RFTN2: variants seen among roughly 807,000 people sequenced by gnomAD.
RFTN2 encodes raftlin family member 2.
Under a neutral mutation model 52.7 loss-of-function variants are expected in RFTN2, and 34 were observed. The observed-to-expected ratio is 0.64, with a 90% CI of 0.49 to 0.86. The LOEUF (loss-of-function observed/expected upper bound fraction) is 0.86, where lower values mean the gene tolerates loss of function less well. Among genes scored for constraint, RFTN2 ranks in the 40% least tolerant of loss-of-function variants. RFTN2 has a pLI of 0.00. For missense variants in RFTN2, 536 were observed against 600.1 expected (o/e 0.89, Z 1.12); for synonymous variants, 203 against 217.7 (o/e 0.93, Z 0.59).
At chr2:197,597,596 C>T (rs894735585) in intron 7 of RFTN2, among the ~76,000 whole-genome samples, 11 of 151,874 alleles carry the variant, frequency 7.2e-5, no homozygotes, top group African/African-American at 9.7e-5. Flanking sequence ...CTCGGCTCAC[C>T]GCAACGTCAC....
At position 197,572,262 on chromosome 2, in the gene RFTN2, T is replaced by A; in HGVS notation, c.1252A>T (p.Ile418Leu). ...GCTTTATTCTTGTCTTCACCTTTTA[T>A]GTGGCGGCTGGCTTTCTTCTGAAAC... ...QTPDKKASRH[I>L]KGEDKNKATS... Residue 418 changes from isoleucine (I) to leucine (L), a missense_variant, in exon 9 of 9, where the codon ATA becomes TTA. Ile to Leu is a conservative substitution (Grantham distance 5, BLOSUM62 2). Coordinates refer to ENST00000295049, the MANE Select transcript of RFTN2 (RefSeq NM_144629.3). 3 of 1,613,846 alleles carry A rather than the reference T, an allele frequency of 1.9e-6. No individual in the cohort carries two copies. The highest frequency in any genetic ancestry group is 2.5e-6 in the Non-Finnish European group (3 of 1,179,656).
intron 3 of RFTN2, among the ~76,000 whole-genome samples, chr2:197,638,984 C>T (rs1192955029): frequency 6.8e-6 from 1 of 148,118 alleles, no homozygotes; most frequent in South Asian, 2.2e-4. Context: ...TATTTTATTT[C>T]TCCTTCACTT....
chr2:197,646,415 A>AT (rs995736590), intron 2 of RFTN2, 68 bp downstream of exon 2: 1,193 of 1,286,704 alleles, frequency 9.3e-4, no homozygotes, highest in South Asian at 1.4e-3. Flanking sequence ...CTTGATTCAA[A>AT]TTTTTTTTTC....
At position 197,675,451 on chromosome 2, in the gene RFTN2, C is replaced by A; in HGVS notation, c.8G>T (p.Cys3Phe). The part of the protein sequence containing the change: MG[C>F]GLRKLEDPDD... ...AGGGTCTTCTAGCTTTCTAAGTCCGCACCCCATGGCAAAATCTGTAAGGAA... is the reference window on the plus strand; with the variant it reads ...AGGGTCTTCTAGCTTTCTAAGTCCGAACCCCATGGCAAAATCTGTAAGGAA... The change falls in exon 1 of 9, where the codon TGC (cysteine) becomes TTC (phenylalanine). Residue 3 changes from cysteine to phenylalanine, a missense_variant. Transcript: ENST00000295049. The A allele has an allele frequency of 1.3e-6, 2 of 1,573,296 alleles. No individual in the cohort carries two copies. The highest frequency in any genetic ancestry group is 1.9e-5 in the Admixed American group (1 of 53,690).
chr2:197,631,726 A>G (rs914254012), intron 4 of RFTN2, among the ~76,000 whole-genome samples: 2 of 152,152 alleles, frequency 1.3e-5, no homozygotes, highest in South Asian at 2.1e-4. Flanking sequence ...TTCTGTTATT[A>G]CCAACTTTGT....
intron 2 of RFTN2, 115 bp downstream of exon 2, chr2:197,646,368 T>G: frequency 1.3e-6 from 1 of 762,674 alleles, no homozygotes. Flanking sequence ...AAATGTGCTT[T>G]AAACTAAAAC....
chr2:197,607,468 C>T (rs866286537), intron 7 of RFTN2, among the ~76,000 whole-genome samples: 10 of 118,648 alleles, frequency 8.4e-5, no homozygotes, highest in Middle Eastern at 4.6e-3. Flanking sequence ...TGCCCTAAAA[C>T]TTGAAGTATA....
At chr2:197,578,698 C>T (rs2087458196) in intron 8 of RFTN2, among the ~76,000 whole-genome samples, 1 of 152,216 alleles carries the variant, frequency 6.6e-6, no homozygotes, top group Non-Finnish European at 1.5e-5. Context: ...ACTCAGCCCG[C>T]CTGCACCCAG....
intron 8 of RFTN2, among the ~76,000 whole-genome samples, chr2:197,589,741 C>T (rs941076122): frequency 2.6e-5 from 4 of 151,994 alleles, no homozygotes; most frequent in Non-Finnish European, 5.9e-5. Flanking sequence ...CCTTGATACC[C>T]CTTGGGTAAA....
chr2:197,643,031 C>T (rs766396715), intron 3 of RFTN2, among the ~76,000 whole-genome samples: 1 of 152,150 alleles, frequency 6.6e-6, no homozygotes, highest in Non-Finnish European at 1.5e-5. Flanking sequence ...TTCAGGAATA[C>T]TGCATTAATT....
chr2:197,589,219 CAAAAAAAAAAAAAAAAAA>C (rs35798927), intron 8 of RFTN2, among the ~76,000 whole-genome samples: 10 of 33,534 alleles, frequency 3.0e-4, no homozygotes, highest in East Asian at 1.6e-3. Context: ...GACTCTGTCT[CAAAAAAAAAAAAAAAAAA>C]AAAAAAAAAA....
chr2:197,634,755 CT>C (rs2088533418), intron 3 of RFTN2, among the ~76,000 whole-genome samples: 1 of 147,114 alleles, frequency 6.8e-6, no homozygotes, highest in South Asian at 2.1e-4. Context: ...TTTTATTATA[CT>C]TTAAGTTTTA....
At chr2:197,613,892 T>C (rs942642694) in intron 7 of RFTN2, among the ~76,000 whole-genome samples, 4 of 152,358 alleles carry the variant, frequency 2.6e-5, no homozygotes, top group Admixed American at 2.6e-4. Context: ...AAATTACATT[T>C]TTCTGCTATC....
At chr2:197,605,510 T>C (rs775250034) in intron 7 of RFTN2, among the ~76,000 whole-genome samples, 23 of 152,154 alleles carry the variant, frequency 1.5e-4, no homozygotes, top group Non-Finnish European at 2.8e-4. Flanking sequence ...CCACCGCGCC[T>C]GGCCGAATTT....
intron 4 of RFTN2, 46 bp from the exon 5 acceptor site, chr2:197,631,266 G>T: frequency 7.2e-7 from 1 of 1,389,366 alleles, no homozygotes; most frequent in South Asian, 1.2e-5. Context: ...TAATTTTGTT[G>T]ATCAAAGATT....
chr2:197,621,112 A>G (rs1444159334), intron 5 of RFTN2, among the ~76,000 whole-genome samples: 2 of 152,108 alleles, frequency 1.3e-5, no homozygotes, highest in Non-Finnish European at 2.9e-5. Context: ...TGAAGTGACC[A>G]GTGGAATCAA....
At chr2:197,592,226 G>A (rs1182875735) in intron 8 of RFTN2, among the ~76,000 whole-genome samples, 3 of 152,012 alleles carry the variant, frequency 2.0e-5, no homozygotes, top group Non-Finnish European at 4.4e-5. Flanking sequence ...ATGGAGTTTT[G>A]CTCTTGTTGC....
chr2:197,639,415 A>G (rs1279210215), intron 3 of RFTN2, among the ~76,000 whole-genome samples: 23 of 151,546 alleles, frequency 1.5e-4, no homozygotes, highest in Admixed American at 1.4e-3. Flanking sequence ...ATAGTCCCAT[A>G]TTTCTTGGAG....
rs761880197 is a variant in RFTN2 at position 197,675,452 on chromosome 2, A to G, written c.7T>C (p.Cys3Arg). ...GGGTCTTCTAGCTTTCTAAGTCCGC[A>G]CCCCATGGCAAAATCTGTAAGGAAT... is the stretch of plus-strand genomic sequence containing the variant. The part of the protein sequence containing the change: MG[C>R]GLRKLEDPDD... The change falls in exon 1 of 9, where the codon TGC becomes CGC. Residue 3 changes from cysteine (C) to arginine (R), a missense_variant. By Grantham distance (180) the Cys-to-Arg change is radical (BLOSUM62 -3). Coordinates refer to ENST00000295049, the MANE Select transcript of RFTN2 (RefSeq NM_144629.3). The G allele has an allele frequency of 3.8e-6, 6 of 1,572,572 alleles. No individual in the cohort carries two copies. The Admixed American group carries it at 1.1e-4, about 29-fold the overall frequency.
Sources: gnomAD v4.1 joint callset for allele counts (sites outside exome capture counted in the v4.1 genomes callset) on GRCh38, gnomAD v4.1.1 for gene constraint, MANE v1.5 for transcripts, NCBI Gene and HGNC (gene_info 2026-07-23, HGNC 2026-07-21) for gene names.